Variants in FMNL2 observed in about 807,000 individuals in gnomAD.
The protein encoded by FMNL2 is formin like 2.
FMNL2 carries 51 observed loss-of-function variants against 130.2 expected under a neutral mutation model. The observed-to-expected ratio is 0.39, with a 90% CI of 0.31 to 0.49. FMNL2 has a LOEUF of 0.49. Among genes scored for constraint, FMNL2 ranks in the 20% least tolerant of loss-of-function variants. FMNL2 has a pLI of 0.85. For missense variants in FMNL2, 977 were observed against 1,316.2 expected, an observed-to-expected ratio of 0.74 and a Z score of 3.99; for synonymous variants, 465 against 467.1, an observed-to-expected ratio of 1.00 and a Z score of 0.06.
intron 1 of FMNL2, among the ~76,000 whole-genome samples, chr2:152,471,558 GC>G (rs1689861153): frequency 6.6e-6 from 1 of 152,150 alleles, no homozygotes; most frequent in Admixed American, 6.5e-5. Context: ...GTGGGGGTGG[GC>G]GTCCGGCGCC....
At chr2:152,606,864 G>A (rs1407082221) in intron 9 of FMNL2, among the ~76,000 whole-genome samples, 1 of 151,742 alleles carries the variant, frequency 6.6e-6, no homozygotes, top group Non-Finnish European at 1.5e-5. Flanking sequence ...TTTCTGTATT[G>A]TAGTTTATGC....
rs183676729 is a variant in FMNL2, at chr2:152,393,563, T to C, written c.117+57843T>C. Among the ~76,000 whole-genome samples, 116 of 152,364 alleles carry C rather than the reference T, an allele frequency of 7.6e-4. 1 individual carries two copies. Among genetic ancestry groups the C allele is most frequent in the African/African-American group, 2.7e-3 (113 of 41,592 alleles). On this transcript the variant is annotated intron_variant, in intron 1 of 25. Transcript: ENST00000288670. ...ACTGTCCCCCTGACAGCAATGTGTG[T>C]TGACTTTTCCACAAATCTTTCCTAA...
At chr2:152,636,957 A>C (rs73016109) in intron 22 of FMNL2, among the ~76,000 whole-genome samples, 2,298 of 152,070 alleles carry the variant, frequency 0.015, 59 homozygotes, top group African/African-American at 0.053. Flanking sequence ...AAAATCTTAC[A>C]CTATACTGGG....
intron 16 of FMNL2, among the ~76,000 whole-genome samples, chr2:152,626,230 T>C (rs1418862648): frequency 6.6e-6 from 1 of 152,072 alleles, no homozygotes; most frequent in African/African-American, 2.4e-5. Context: ...AGAGAGCGCA[T>C]TTCATCATGT....
At chr2:152,630,691 A>G (rs1410113068) in intron 20 of FMNL2, among the ~76,000 whole-genome samples, 1 of 152,168 alleles carries the variant, frequency 6.6e-6, no homozygotes, top group Non-Finnish European at 1.5e-5. Context: ...TGATCAGTTA[A>G]GCATGTCTGT....
At chr2:152,564,981 A>G (rs1695750501) in intron 6 of FMNL2, among the ~76,000 whole-genome samples, 1 of 152,098 alleles carries the variant, frequency 6.6e-6, no homozygotes, top group Non-Finnish European at 1.5e-5. Flanking sequence ...CTATTGATGC[A>G]GTAGAGACCT....
chr2:152,520,612 T>G (rs539500539), intron 1 of FMNL2, among the ~76,000 whole-genome samples: 98 of 145,550 alleles, frequency 6.7e-4, no homozygotes, highest in African/African-American at 2.3e-3. Context: ...AAAAAAAAAT[T>G]AAATTAAATA....
intron 1 of FMNL2, among the ~76,000 whole-genome samples, chr2:152,431,282 TATG>T (rs1050454941): frequency 1.1e-4 from 16 of 152,338 alleles, no homozygotes; most frequent in Admixed American, 2.6e-4. Flanking sequence ...AAGGCTCAAT[TATG>T]ATAATGGTGT....
intron 1 of FMNL2, among the ~76,000 whole-genome samples, chr2:152,460,712 C>T (rs572855807): frequency 2.6e-5 from 4 of 152,142 alleles, no homozygotes; most frequent in Admixed American, 6.5e-5. Flanking sequence ...ATTAGATTCT[C>T]ATAGGAGTGT....
intron 1 of FMNL2, among the ~76,000 whole-genome samples, chr2:152,404,780 T>C (rs1201838909): frequency 6.6e-6 from 1 of 152,184 alleles, no homozygotes; most frequent in African/African-American, 2.4e-5. Context: ...GAATAAATTA[T>C]ATGTATAAAA....
intron 9 of FMNL2, among the ~76,000 whole-genome samples, chr2:152,601,650 CTCTTT>C (rs200070633): frequency 1.0e-5 from 1 of 96,882 alleles, no homozygotes; most frequent in Admixed American, 1.0e-4. Context: ...ATCTAAGGCT[CTCTTT>C]TCTTTTCTTT....
At chr2:152,491,067 A>G (rs546926852) in intron 1 of FMNL2, among the ~76,000 whole-genome samples, 6 of 152,114 alleles carry the variant, frequency 3.9e-5, no homozygotes, top group African/African-American at 1.4e-4. Context: ...TGGTTGGGTG[A>G]TGCCTGTGCT....
At chr2:152,420,669 C>T (rs1202906780) in intron 1 of FMNL2, among the ~76,000 whole-genome samples, 1 of 152,174 alleles carries the variant, frequency 6.6e-6, no homozygotes, top group African/African-American at 2.4e-5. Context: ...CACTGAGCTG[C>T]CTCCCAGGTC....
chr2:152,632,958 G>A (rs1433102656), intron 21 of FMNL2, among the ~76,000 whole-genome samples: 9 of 152,116 alleles, frequency 5.9e-5, no homozygotes, highest in Non-Finnish European at 1.5e-5. Flanking sequence ...ATTTTGGAGG[G>A]TGAGGCCTTC....
chr2:152,561,338 T>C (rs1695511192), intron 6 of FMNL2, among the ~76,000 whole-genome samples: 1 of 152,114 alleles, frequency 6.6e-6, no homozygotes, highest in Non-Finnish European at 1.5e-5. Flanking sequence ...ACCAGGGGAA[T>C]GTTGACATCC....
intron 1 of FMNL2, among the ~76,000 whole-genome samples, chr2:152,338,838 C>CACACACACAT (rs1354729067): frequency 1.1e-4 from 17 of 151,958 alleles, no homozygotes; most frequent in South Asian, 2.1e-4. Context: ...CACACACACA[C>CACACACACAT]ACACACACAC....
At chr2:152,347,487 A>G (rs1682194172) in intron 1 of FMNL2, among the ~76,000 whole-genome samples, 1 of 152,180 alleles carries the variant, frequency 6.6e-6, no homozygotes, top group Non-Finnish European at 1.5e-5. Context: ...TTTTCATAAT[A>G]CTGAGAAGAG....
intron 5 of FMNL2, among the ~76,000 whole-genome samples, chr2:152,560,121 G>A (rs942847056): frequency 2.0e-5 from 3 of 150,110 alleles, no homozygotes; most frequent in African/African-American, 7.3e-5. Context: ...TCTACTGTCT[G>A]ATCAGGTGTT....
intron 1 of FMNL2, among the ~76,000 whole-genome samples, chr2:152,364,507 G>A (rs759456073): frequency 2.6e-5 from 4 of 151,998 alleles, no homozygotes; most frequent in Non-Finnish European, 4.4e-5. Flanking sequence ...TTAGTAAACC[G>A]TAAAACATAT....
Sources: allele counts gnomAD v4.1 joint callset (sites outside exome capture counted in the v4.1 genomes callset), GRCh38; gene constraint gnomAD v4.1.1; transcripts MANE v1.5; gene names NCBI Gene and HGNC (gene_info 2026-07-23, HGNC 2026-07-21).